The following MGAT5 variants were observed in gnomAD, a reference collection of about 807,000 sequenced individuals.
The protein encoded by MGAT5 is alpha-1,6-mannosylglycoprotein 6-beta-N-acetylglucosaminyltransferase A.
A neutral mutation model predicts 94.3 loss-of-function variants in MGAT5; 30 were observed. That is an observed-to-expected ratio of 0.32 (90% CI 0.24 to 0.43). The LOEUF (loss-of-function observed/expected upper bound fraction) is 0.43. MGAT5 is among the 20% of genes least tolerant of loss of function. The pLI, the probability that MGAT5 is intolerant of heterozygous loss-of-function variation, is 1.00. For synonymous variants in MGAT5, 310 were observed against 322.9 expected (o/e 0.96, Z 0.43); for missense variants, 691 against 905.5 (o/e 0.76, Z 3.04).
chr2:134,364,215 C>T (rs950199304), intron 10 of MGAT5, among the ~76,000 whole-genome samples: 4 of 152,098 alleles, frequency 2.6e-5, no homozygotes, highest in South Asian at 2.1e-4. Flanking sequence ...GTAGGAATTC[C>T]GAGGCCAGGT....
intron 1 of MGAT5, among the ~76,000 whole-genome samples, chr2:134,129,905 C>T (rs947588113): frequency 2.6e-5 from 4 of 152,188 alleles, no homozygotes; most frequent in African/African-American, 7.2e-5. Flanking sequence ...TGGCTGAGAC[C>T]GCAGCCGGCT....
rs368966259 is a variant in MGAT5, at chr2:134,374,059, T to C, written c.1380+11651T>C. Among the ~76,000 whole-genome samples, 3 of 152,264 alleles carry C rather than the reference T, an allele frequency of 2.0e-5. No homozygotes were observed. In the East Asian group the frequency reaches 5.8e-4, roughly 29 times the overall value. ...ACAGCAGTAGAAGGAAACAGAAGTG[T>C]GTGTAGATTTCTGCCTTTTACTTGG... On this transcript the variant is annotated intron_variant, in intron 10 of 15. Coordinates refer to ENST00000281923, the MANE Select transcript of MGAT5 (RefSeq NM_002410.5).
chr2:134,252,467 T>G (rs1682668543), upstream of MGAT5, among the ~76,000 whole-genome samples: 1 of 152,194 alleles, frequency 6.6e-6, no homozygotes. Context: ...GGAATCAGGC[T>G]GCCTGGTCAA....
chr2:134,135,996 T>C (rs551226855), intron 1 of MGAT5, among the ~76,000 whole-genome samples: 1 of 152,232 alleles, frequency 6.6e-6, no homozygotes, highest in Non-Finnish European at 1.5e-5. Context: ...TGGGAAAATA[T>C]TACACTTTCA....
intron 4 of MGAT5, among the ~76,000 whole-genome samples, chr2:134,320,519 G>C (rs755545304): frequency 6.6e-6 from 1 of 152,062 alleles, no homozygotes; most frequent in Non-Finnish European, 1.5e-5. Flanking sequence ...GGTTGGAGCA[G>C]AGTAGGCAGC....
In MGAT5 at chr2:134,274,942, A is replaced by G. The variant is rs143622148; in HGVS notation, c.406+4392A>G. 1.1e-4 allele frequency among the ~76,000 whole-genome samples: 16 copies of G among 152,344 alleles called. No homozygotes were observed. In the East Asian group the frequency reaches 3.1e-3, roughly 29 times the overall value. On this transcript the variant is annotated intron_variant, in intron 2 of 15. Transcript: ENST00000281923. Reference sequence around the variant, plus strand: ...AGCAACCATTATTATTATTCTTACCATTTGAAAGTTGAAAATGAAAAATGT... The same window carrying G: ...AGCAACCATTATTATTATTCTTACCGTTTGAAAGTTGAAAATGAAAAATGT...
At chr2:134,405,932 A>G (rs1683308579) in intron 11 of MGAT5, among the ~76,000 whole-genome samples, 1 of 152,218 alleles carries the variant, frequency 6.6e-6, no homozygotes, top group African/African-American at 2.4e-5. Flanking sequence ...TACTGGGGCT[A>G]AAAGAGCCAG....
intron 4 of MGAT5, among the ~76,000 whole-genome samples, chr2:134,335,933 G>A (rs754124090): frequency 6.6e-6 from 1 of 152,164 alleles, no homozygotes; most frequent in Non-Finnish European, 1.5e-5. Flanking sequence ...TTCTGGTACA[G>A]AGATGTGAGG....
At chr2:134,249,506 A>G (rs569747842), upstream of MGAT5, among the ~76,000 whole-genome samples, 1 of 152,230 alleles carries the variant, frequency 6.6e-6, no homozygotes, top group African/African-American at 2.4e-5. Flanking sequence ...GAATCATGCA[A>G]TATGTGTTTT....
chr2:134,402,725 A>G (rs1683124364), intron 10 of MGAT5, among the ~76,000 whole-genome samples: 1 of 152,234 alleles, frequency 6.6e-6, no homozygotes, highest in Admixed American at 6.5e-5. Context: ...AAAATTATAC[A>G]GTTGGTATTC....
intron 1 of MGAT5, among the ~76,000 whole-genome samples, chr2:134,139,921 T>C (rs1268449125): frequency 1.3e-5 from 2 of 152,176 alleles, no homozygotes; most frequent in African/African-American, 4.8e-5. Flanking sequence ...TTGAGAGTTG[T>C]TATGTGGCCT....
intron 11 of MGAT5, among the ~76,000 whole-genome samples, chr2:134,406,578 G>T (rs917834830): frequency 2.6e-5 from 4 of 152,132 alleles, no homozygotes; most frequent in African/African-American, 9.7e-5. Flanking sequence ...GCTTGGATGT[G>T]CTCACAAAAC....
rs79734256 is a variant in MGAT5, at chr2:134,334,298, C to T, written c.574-1919C>T. On this transcript the variant is annotated intron_variant, in intron 4 of 15. Transcript: ENST00000281923. Reference sequence around the variant, plus strand: ...AGTGAATCTTGAAAGATTCTTCTTGCAGTGGCAGAGTGAGGAGAGAACTTT... The same window carrying T: ...AGTGAATCTTGAAAGATTCTTCTTGTAGTGGCAGAGTGAGGAGAGAACTTT... 8.3e-3 allele frequency among the ~76,000 whole-genome samples: 1,259 copies of T among 152,142 alleles called. 16 individuals carry two copies. The highest frequency in any genetic ancestry group is 0.029 in the African/African-American group (1,213 of 41,514).
At chr2:134,395,104 A>G (rs1207738225) in intron 10 of MGAT5, among the ~76,000 whole-genome samples, 1 of 152,198 alleles carries the variant, frequency 6.6e-6, no homozygotes. Flanking sequence ...GCATGGTAGT[A>G]TAGCTGGTGG....
intron 11 of MGAT5, among the ~76,000 whole-genome samples, chr2:134,409,972 A>G (rs1180975088): frequency 1.3e-5 from 2 of 152,190 alleles, no homozygotes; most frequent in Non-Finnish European, 2.9e-5. Flanking sequence ...AGCCATGGAG[A>G]TATTTTGTCA....
At chr2:134,131,572 A>ATTTTTTTTTTT (rs10617178) in intron 1 of MGAT5, among the ~76,000 whole-genome samples, 1 of 85,230 alleles carries the variant, frequency 1.2e-5, no homozygotes, top group Non-Finnish European at 2.4e-5. Context: ...TGGTAGATTG[A>ATTTTTTTTTTT]TTTTTTTTTT....
At chr2:134,197,553 G>A (rs777257588) in intron 1 of MGAT5, among the ~76,000 whole-genome samples, 2 of 152,134 alleles carry the variant, frequency 1.3e-5, no homozygotes, top group African/African-American at 2.4e-5. Flanking sequence ...CGATGATGTC[G>A]GCCATCTTGT....
chr2:134,437,516 T>G (rs1430153113), intron 14 of MGAT5, among the ~76,000 whole-genome samples: 2 of 152,186 alleles, frequency 1.3e-5, no homozygotes, highest in Non-Finnish European at 2.9e-5. Context: ...CCCAGCCTAA[T>G]CCAGGACTGG....
intron 4 of MGAT5, among the ~76,000 whole-genome samples, chr2:134,330,417 C>A (rs1383837434): frequency 6.6e-6 from 1 of 152,058 alleles, no homozygotes; most frequent in African/African-American, 2.4e-5. Context: ...AGAGAGGCAA[C>A]AAATTTCAGT....
Sources: allele counts gnomAD v4.1 joint callset (sites outside exome capture counted in the v4.1 genomes callset), GRCh38; gene constraint gnomAD v4.1.1; transcripts MANE v1.5; gene names NCBI Gene and HGNC (gene_info 2026-07-23, HGNC 2026-07-21).